Variants in API5 observed in about 807,000 individuals in gnomAD.
API5 encodes apoptosis inhibitor 5.
A neutral mutation model predicts 71.9 loss-of-function variants in API5; 6 were observed. The ratio of observed to expected loss-of-function variants is 0.08; its 90% CI spans 0.05 to 0.16. The LOEUF (loss-of-function observed/expected upper bound fraction) is 0.16. API5 is among the 10% of genes least tolerant of loss of function. API5 has a pLI of 1.00. For missense variants in API5, 332 were observed against 612.8 expected, an observed-to-expected ratio of 0.54 and a Z score of 4.84; for synonymous variants, 189 against 221.3, an observed-to-expected ratio of 0.85 and a Z score of 1.30.
chr11:43,312,896 C>T (rs1854533253), intron 1 of API5, among the ~76,000 whole-genome samples: 1 of 152,010 alleles, frequency 6.6e-6, no homozygotes, highest in Non-Finnish European at 1.5e-5. Context: ...ATCACGAGGT[C>T]AGGAGTTCGA....
chr11:43,326,184 TC>T (rs1159934996), intron 6 of API5, among the ~76,000 whole-genome samples: 1 of 152,212 alleles, frequency 6.6e-6, no homozygotes, highest in Non-Finnish European at 1.5e-5. Flanking sequence ...ATGGTTAAGT[TC>T]CCAGGACCCT....
At chr11:43,327,923 C>G in intron 8 of API5, 45 bp downstream of exon 8, 4 of 1,176,628 alleles carry the variant, frequency 3.4e-6, no homozygotes, top group Non-Finnish European at 4.8e-6. Flanking sequence ...GTATATAGCT[C>G]AAAGTCTAAT....
intron 2 of API5, among the ~76,000 whole-genome samples, chr11:43,319,379 C>T (rs1300804547): frequency 2.0e-5 from 3 of 152,142 alleles, no homozygotes; most frequent in African/African-American, 7.2e-5. Context: ...TCAGATGAAA[C>T]AGCGAATTGC....
chr11:43,325,848 C>G (rs5743231), intron 6 of API5, among the ~76,000 whole-genome samples: 2,592 of 152,176 alleles, frequency 0.017, 41 homozygotes, highest in South Asian at 0.05. Flanking sequence ...TTGGGATGCT[C>G]AAGACATTTT....
At chr11:43,318,877 C>G in intron 2 of API5, 76 bp downstream of exon 2, 1 of 1,426,136 alleles carries the variant, frequency 7.0e-7, no homozygotes, top group Non-Finnish European at 9.6e-7. Context: ...GAGTAGCAAT[C>G]TGATATATCA....
At chr11:43,337,357 T>C (rs1855471237) in intron 13 of API5, among the ~76,000 whole-genome samples, 1 of 152,182 alleles carries the variant, frequency 6.6e-6, no homozygotes, top group Non-Finnish European at 1.5e-5. Context: ...TTCTGAACCA[T>C]ATAATATCTG....
intron 13 of API5, among the ~76,000 whole-genome samples, chr11:43,340,912 A>G (rs1855588679): frequency 6.6e-6 from 1 of 152,160 alleles, no homozygotes; most frequent in African/African-American, 2.4e-5. Context: ...CTAAAAGCAC[A>G]GGCAACAAAA....
chr11:43,334,153 A>G (rs758116575), intron 11 of API5, among the ~76,000 whole-genome samples: 1 of 152,072 alleles, frequency 6.6e-6, no homozygotes, highest in Non-Finnish European at 1.5e-5. Flanking sequence ...GACATGATAA[A>G]TTTTTTGTTT....
chr11:43,328,999 C>T, intron 9 of API5, 106 bp downstream of exon 9: 1 of 1,136,806 alleles, frequency 8.8e-7, no homozygotes, highest in Admixed American at 2.1e-5. Context: ...CTGCCTTACC[C>T]CAGTGATACA....
intron 13 of API5, among the ~76,000 whole-genome samples, chr11:43,341,894 C>T (rs1189171702): frequency 1.3e-5 from 2 of 151,888 alleles, no homozygotes; most frequent in African/African-American, 4.8e-5. Context: ...CACAGTGGCT[C>T]ACACCTGTAG....
At chr11:43,335,386 T>C (rs1855398554) in intron 12 of API5, 32 bp downstream of exon 12, 1 of 1,345,738 alleles carries the variant, frequency 7.4e-7, no homozygotes, top group South Asian at 1.2e-5. Context: ...GATTTAAGTG[T>C]TATCAAAACT....
intron 1 of API5, among the ~76,000 whole-genome samples, chr11:43,317,360 A>G (rs896152149): frequency 1.3e-5 from 2 of 152,124 alleles, no homozygotes; most frequent in South Asian, 4.1e-4. Context: ...CATTATGAGT[A>G]TTTGAGGGAG....
At chr11:43,313,157 A>G (rs934717962) in intron 1 of API5, among the ~76,000 whole-genome samples, 2 of 152,018 alleles carry the variant, frequency 1.3e-5, no homozygotes, top group Non-Finnish European at 2.9e-5. Context: ...TTAATGAAAC[A>G]TGTTTGAAGA....
At chr11:43,330,241 T>G (rs1337960707) in intron 10 of API5, 183 bp downstream of exon 10, 2 of 626,352 alleles carry the variant, frequency 3.2e-6, no homozygotes, top group Non-Finnish European at 5.5e-6. Context: ...TTAAAACAAC[T>G]TCTATGTGCA....
intron 1 of API5, among the ~76,000 whole-genome samples, chr11:43,316,881 A>C (rs1854690736): frequency 6.6e-6 from 1 of 152,058 alleles, no homozygotes; most frequent in Admixed American, 6.6e-5. Flanking sequence ...TTCAGTGATG[A>C]CTCCTGAAGA....
chr11:43,328,634 A>G, intron 8 of API5, 78 bp from the exon 9 acceptor site: 1 of 1,302,618 alleles, frequency 7.7e-7, no homozygotes, highest in Non-Finnish European at 1.1e-6. Flanking sequence ...AAAAACATGC[A>G]CTGTAATTCC....
At position 43,330,061 on chromosome 11, in the gene API5, A is replaced by G. The variant is rs769856897; in HGVS notation, c.1221+3A>G. The G allele has an allele frequency of 6.8e-6, 11 of 1,610,624 alleles. 1 individual carries two copies. The South Asian group carries it at 7.7e-5, about 11-fold the overall frequency. On this transcript the variant is annotated splice_donor_region_variant and intron_variant, in intron 10 of 13. Coordinates refer to ENST00000531273, the MANE Select transcript of API5 (RefSeq NM_001142930.2). ...GTGAGGCCTTAAAAACAGAAGAGGT[A>G]AGAATACTGGCTCACATTTCATAAA...
At chr11:43,333,027 A>C (rs1333271228) in intron 11 of API5, among the ~76,000 whole-genome samples, 1 of 152,228 alleles carries the variant, frequency 6.6e-6, no homozygotes, top group African/African-American at 2.4e-5. Flanking sequence ...ACAGTAACAA[A>C]GGGCCAAATG....
chr11:43,325,604 AC>A (rs1274324564), intron 6 of API5, among the ~76,000 whole-genome samples: 7 of 152,212 alleles, frequency 4.6e-5, no homozygotes, highest in Admixed American at 3.3e-4. Flanking sequence ...GAGTGTCAAA[AC>A]CATTGCACTC....
Sources: gnomAD v4.1 joint callset for allele counts (sites outside exome capture counted in the v4.1 genomes callset) on GRCh38, gnomAD v4.1.1 for gene constraint, MANE v1.5 for transcripts, NCBI Gene and HGNC (gene_info 2026-07-23, HGNC 2026-07-21) for gene names.